Variants in COL8A1 observed in about 807,000 individuals in gnomAD.
The protein encoded by COL8A1 is collagen alpha-1(VIII) chain.
Under a neutral mutation model 42.7 loss-of-function variants are expected in COL8A1, and 21 were observed. That is an observed-to-expected ratio of 0.49 (90% CI 0.35 to 0.71). COL8A1 has a LOEUF of 0.71. Ranked by LOEUF, COL8A1 falls within the 30% of genes least tolerant of loss-of-function variation. COL8A1 has a pLI of 0.01. For synonymous variants in COL8A1, 367 were observed against 369.1 expected (o/e 0.99, Z 0.06); for missense variants, 788 against 962.4 (o/e 0.82, Z 2.40).
intron 2 of COL8A1, among the ~76,000 whole-genome samples, chr3:99,748,472 T>G (rs535981673): frequency 1.1e-4 from 17 of 151,870 alleles, no homozygotes; most frequent in Admixed American, 5.9e-4. Flanking sequence ...TTGAGTTAAA[T>G]AAAAGTAATA....
At chr3:99,782,192 TG>T (rs796104051) in intron 2 of COL8A1, among the ~76,000 whole-genome samples, 143 of 152,290 alleles carry the variant, frequency 9.4e-4, no homozygotes, top group African/African-American at 3.3e-3. Context: ...TTTCTTCCTT[TG>T]GTTTCTGGAC....
intron 1 of COL8A1, among the ~76,000 whole-genome samples, chr3:99,714,877 GC>G (rs2107361624): frequency 6.6e-6 from 1 of 152,212 alleles, no homozygotes; most frequent in Non-Finnish European, 1.5e-5. Context: ...CATAGGGAAA[GC>G]CCCTCTGAGG....
At chr3:99,653,101 T>A (rs1937901154) in intron 1 of COL8A1, among the ~76,000 whole-genome samples, 1 of 152,242 alleles carries the variant, frequency 6.6e-6, no homozygotes, top group South Asian at 2.1e-4. Flanking sequence ...AGATAACATG[T>A]AAGAAAGTGT....
intron 2 of COL8A1, among the ~76,000 whole-genome samples, chr3:99,780,621 G>A (rs1382228490): frequency 6.6e-6 from 1 of 152,108 alleles, no homozygotes; most frequent in African/African-American, 2.4e-5. Flanking sequence ...GTTTATCAAC[G>A]AAATTCCATA....
Position 99,729,786 on chromosome 3 carries a change from C to T in COL8A1, c.-128-15111C>T, listed in dbSNP as rs115275540. On this transcript the variant is annotated intron_variant, in intron 1 of 3. Coordinates refer to ENST00000652472, the MANE Select transcript of COL8A1 (RefSeq NM_020351.4). The stretch of plus-strand genomic sequence containing the variant: ...CCACCCCTTCCTCTAGCTCTCCAAG[C>T]ATGATAAGAAGCATGAAACCAAATC... 4.2e-3 allele frequency among the ~76,000 whole-genome samples: 637 copies of T among 152,072 alleles called. 4 individuals are homozygous for T. The highest frequency in any genetic ancestry group is 7.5e-3 in the Non-Finnish European group (511 of 67,958).
At chr3:99,645,108 G>A (rs113965771) in intron 1 of COL8A1, among the ~76,000 whole-genome samples, 3 of 152,150 alleles carry the variant, frequency 2.0e-5, no homozygotes, top group Non-Finnish European at 4.4e-5. Flanking sequence ...TCCCATTTAG[G>A]ATCTTCTTCC....
intron 1 of COL8A1, among the ~76,000 whole-genome samples, chr3:99,731,421 T>C (rs901445668): frequency 7.9e-5 from 12 of 152,030 alleles, no homozygotes; most frequent in Non-Finnish European, 1.2e-4. Flanking sequence ...AAGGCCAGTG[T>C]GGCCAGGGTG....
chr3:99,689,304 A>G (rs1182064771), intron 1 of COL8A1, among the ~76,000 whole-genome samples: 3 of 152,228 alleles, frequency 2.0e-5, no homozygotes, highest in Admixed American at 1.3e-4. Flanking sequence ...TCAGACTAAG[A>G]GTAGAAACTT....
At chr3:99,672,226 A>G (rs557605069) in intron 1 of COL8A1, among the ~76,000 whole-genome samples, 1 of 152,214 alleles carries the variant, frequency 6.6e-6, no homozygotes, top group East Asian at 1.9e-4. Flanking sequence ...AAAGAGAGGT[A>G]GAACACCTAT....
intron 1 of COL8A1, among the ~76,000 whole-genome samples, chr3:99,732,078 G>T (rs1341121389): frequency 2.0e-5 from 3 of 152,066 alleles, no homozygotes; most frequent in Non-Finnish European, 4.4e-5. Context: ...CTTGATTTCG[G>T]ACTTCCAGAC....
At chr3:99,728,524 C>G (rs1005346029) in intron 1 of COL8A1, among the ~76,000 whole-genome samples, 1 of 151,988 alleles carries the variant, frequency 6.6e-6, no homozygotes, top group African/African-American at 2.4e-5. Flanking sequence ...TGATTTAGCT[C>G]TTACTGAATA....
At chr3:99,733,483 AT>A (rs1940591518) in intron 1 of COL8A1, among the ~76,000 whole-genome samples, 1 of 149,006 alleles carries the variant, frequency 6.7e-6, no homozygotes, top group African/African-American at 2.5e-5. Context: ...TGAACTCATC[AT>A]TTTTTATGGC....
rs576930287 is a variant in COL8A1, at chr3:99,767,422, A to G, written c.-4+22401A>G. On this transcript the variant is annotated intron_variant, in intron 2 of 3. Transcript: ENST00000652472. Reference sequence around the variant, plus strand: ...TGTTTTTAAAACCTCATATGTCCAGATTTAAAACTACATACATTTATCTTT... The same window carrying G: ...TGTTTTTAAAACCTCATATGTCCAGGTTTAAAACTACATACATTTATCTTT... Among the ~76,000 whole-genome samples the G allele has an allele frequency of 1.2e-3, 180 of 152,358 alleles. 1 individual carries two copies. The highest frequency in any genetic ancestry group is 5.6e-3 in the South Asian group (27 of 4,832).
chr3:99,736,132 T>C lies in COL8A1; in HGVS notation c.-128-8765T>C, dbSNP rs890360175. On this transcript the variant is annotated intron_variant, in intron 1 of 3. Coordinates refer to ENST00000652472, the MANE Select transcript of COL8A1 (RefSeq NM_020351.4). ...TAGATTCATTAATTTTTTGAAGGGT[T>C]TTTTGTGTCTCTATTTCCTTCAGTT... 4.6e-5 allele frequency among the ~76,000 whole-genome samples: 7 copies of C among 151,634 alleles called. 1 individual carries two copies. The highest frequency in any genetic ancestry group is 1.7e-4 in the African/African-American group (7 of 40,898).
intron 2 of COL8A1, among the ~76,000 whole-genome samples, chr3:99,788,302 G>A (rs1017135412): frequency 6.6e-6 from 1 of 152,228 alleles, no homozygotes; most frequent in Non-Finnish European, 1.5e-5. Flanking sequence ...CTGAGCCTAT[G>A]AGAGGAAATA....
rs191447304 is a variant in COL8A1 at position 99,645,775 on chromosome 3, T to C, written c.-129+7111T>C. Among the ~76,000 whole-genome samples, 292 of 151,934 alleles carry C rather than the reference T, an allele frequency of 1.9e-3. 2 individuals are homozygous for C. The highest frequency in any genetic ancestry group is 6.7e-3 in the African/African-American group (276 of 41,474). ...TCTGGCATTAGCAATGCCTGAAATG[T>C]CCGGGCTTGTGGAAGTTTATTTGAA... is the stretch of plus-strand genomic sequence containing the variant. On this transcript the variant is annotated intron_variant, in intron 1 of 3. Transcript: ENST00000652472.
intron 2 of COL8A1, among the ~76,000 whole-genome samples, chr3:99,788,580 C>G (rs1284443711): frequency 6.6e-6 from 1 of 152,210 alleles, no homozygotes; most frequent in African/African-American, 2.4e-5. Context: ...TGGATTAACA[C>G]TTTCAGATCT....
At chr3:99,734,115 T>C (rs1203675191) in intron 1 of COL8A1, among the ~76,000 whole-genome samples, 2 of 151,950 alleles carry the variant, frequency 1.3e-5, no homozygotes, top group Non-Finnish European at 2.9e-5. Flanking sequence ...TTAACTCTGA[T>C]GGTAGTTTCT....
At chr3:99,682,339 C>G (rs1013035211) in intron 1 of COL8A1, among the ~76,000 whole-genome samples, 3 of 152,072 alleles carry the variant, frequency 2.0e-5, no homozygotes, top group Non-Finnish European at 2.9e-5. Flanking sequence ...ATGGCTTGAG[C>G]CCTGGGTGGT....
Sources: gnomAD v4.1 joint callset for allele counts (sites outside exome capture counted in the v4.1 genomes callset) on GRCh38, gnomAD v4.1.1 for gene constraint, MANE v1.5 for transcripts, NCBI Gene and HGNC (gene_info 2026-07-23, HGNC 2026-07-21) for gene names.